IL1RAP: variants seen among roughly 807,000 people sequenced by gnomAD.
IL1RAP encodes the protein interleukin-1 receptor accessory protein.
IL1RAP carries 35 observed loss-of-function variants against 60.7 expected under a neutral mutation model. That is an observed-to-expected ratio of 0.58 (90% CI 0.44 to 0.76). IL1RAP has a LOEUF of 0.76. IL1RAP is among the 30% of genes least tolerant of loss of function. The probability of loss-of-function intolerance (pLI) is 0.00; values close to 1 mark genes in which losing one functional copy is unlikely to be tolerated. For missense variants in IL1RAP, 572 were observed against 693.9 expected, an observed-to-expected ratio of 0.82 and a Z score of 1.97; for synonymous variants, 268 against 250.9, an observed-to-expected ratio of 1.07 and a Z score of -0.64.
At chr3:190,558,344 A>T (rs376885257) in intron 2 of IL1RAP, among the ~76,000 whole-genome samples, 1 of 152,162 alleles carries the variant, frequency 6.6e-6, no homozygotes, top group Non-Finnish European at 1.5e-5. Flanking sequence ...TTTATGTTTA[A>T]CTTTATTAAG....
At chr3:190,611,748 T>G (rs1378968848) in intron 5 of IL1RAP, among the ~76,000 whole-genome samples, 1 of 152,162 alleles carries the variant, frequency 6.6e-6, no homozygotes, top group Non-Finnish European at 1.5e-5. Flanking sequence ...CATTAACTCT[T>G]AGATGTGTTT....
chr3:190,645,832 G>T lies in IL1RAP; in HGVS notation c.1335G>T (p.Leu445=). 6.2e-7 allele frequency: 1 copy of T among 1,613,022 alleles called. No homozygotes were observed. The highest frequency in any genetic ancestry group is 2.2e-5 in the East Asian group (1 of 44,872). Residue 445 remains leucine (L), a synonymous_variant, in exon 11 of 12, where the codon CTG becomes CTT. Transcript: ENST00000447382. ...YKLCIFDRDS[L]PGGIVTDETL... ...TGTGCATCTTTGACCGAGACAGTCT[G>T]CCTGGGGGAAGTAGGTATTTCAGAG...
chr3:190,613,497 G>A (rs1290515510), intron 5 of IL1RAP, among the ~76,000 whole-genome samples: 1 of 152,116 alleles, frequency 6.6e-6, no homozygotes, highest in East Asian at 1.9e-4. Flanking sequence ...AGAGAACTGA[G>A]CTAATGCCAT....
exon 12 of IL1RAP, chr3:190,657,105 C>T (rs1734642627): frequency 1.3e-5 from 2 of 152,576 alleles, no homozygotes; most frequent in African/African-American, 4.8e-5. Flanking sequence ...CATACCCACC[C>T]AGGGATACAT....
intron 3 of IL1RAP, among the ~76,000 whole-genome samples, chr3:190,584,573 T>C (rs1421593090): frequency 6.6e-6 from 1 of 152,222 alleles, no homozygotes; most frequent in Non-Finnish European, 1.5e-5. Flanking sequence ...AGTTTTACAG[T>C]AGTATCTTGT....
At chr3:190,567,969 C>A (rs1726567821) in intron 3 of IL1RAP, among the ~76,000 whole-genome samples, 1 of 152,130 alleles carries the variant, frequency 6.6e-6, no homozygotes, top group Non-Finnish European at 1.5e-5. Context: ...CTGTTAAAAG[C>A]TGCCTTTGGA....
chr3:190,604,534 G>T, intron 4 of IL1RAP, 121 bp downstream of exon 4: 1 of 1,036,562 alleles, frequency 9.6e-7, no homozygotes. Context: ...GTTTAGTGAG[G>T]TAATTGTCTG....
intron 9 of IL1RAP, among the ~76,000 whole-genome samples, chr3:190,638,390 G>C (rs1317333408): frequency 6.6e-6 from 1 of 152,058 alleles, no homozygotes; most frequent in Non-Finnish European, 1.5e-5. Flanking sequence ...CACCTCATGT[G>C]CTTATTGGCC....
intron 3 of IL1RAP, among the ~76,000 whole-genome samples, chr3:190,573,013 G>A (rs1414873979): frequency 3.2e-5 from 3 of 94,146 alleles, no homozygotes; most frequent in Non-Finnish European, 4.6e-5. Context: ...ACAGGCGCCC[G>A]CCACCACGCC....
intron 4 of IL1RAP, among the ~76,000 whole-genome samples, chr3:190,608,263 T>G (rs1730521205): frequency 6.6e-6 from 1 of 152,170 alleles, no homozygotes; most frequent in African/African-American, 2.4e-5. Flanking sequence ...TATGGTATAG[T>G]CTGTTACTCC....
At chr3:190,636,170 A>G (rs1444891078) in intron 9 of IL1RAP, among the ~76,000 whole-genome samples, 4 of 152,224 alleles carry the variant, frequency 2.6e-5, no homozygotes, top group Non-Finnish European at 5.9e-5. Flanking sequence ...CATTTGAAAA[A>G]GACATATATT....
chr3:190,626,664 CTTTTT>C (rs766018376), intron 7 of IL1RAP, among the ~76,000 whole-genome samples: 1 of 99,986 alleles, frequency 1.0e-5, no homozygotes, highest in African/African-American at 4.3e-5. Flanking sequence ...TGTCAGAGAC[CTTTTT>C]TTTTTTTTTT....
chr3:190,562,887 C>T (rs1187766830), intron 2 of IL1RAP, among the ~76,000 whole-genome samples: 1 of 152,016 alleles, frequency 6.6e-6, no homozygotes, highest in Non-Finnish European at 1.5e-5. Flanking sequence ...GGAAGAGGTG[C>T]TGGGAAGAAA....
At chr3:190,524,267 A>G (rs1722323894) in intron 1 of IL1RAP, among the ~76,000 whole-genome samples, 1 of 152,028 alleles carries the variant, frequency 6.6e-6, no homozygotes. Context: ...CTTTGTCAGA[A>G]GCATAGTTTG....
chr3:190,628,563 A>C (rs1404840139), intron 8 of IL1RAP, among the ~76,000 whole-genome samples: 2 of 152,314 alleles, frequency 1.3e-5, no homozygotes, highest in Middle Eastern at 3.4e-3. Flanking sequence ...AAAGGAGTTC[A>C]AAGGGATTTT....
intron 1 of IL1RAP, among the ~76,000 whole-genome samples, chr3:190,549,172 C>T (rs1050362771): frequency 6.6e-6 from 1 of 152,240 alleles, no homozygotes; most frequent in South Asian, 2.1e-4. Context: ...ACAGATTGAA[C>T]CCCTGGTTCC....
intron 3 of IL1RAP, among the ~76,000 whole-genome samples, chr3:190,566,420 T>C (rs1254170188): frequency 6.6e-6 from 1 of 152,144 alleles, no homozygotes; most frequent in Non-Finnish European, 1.5e-5. Flanking sequence ...TAATGAGTGC[T>C]GGTGCCTTCC....
intron 9 of IL1RAP, among the ~76,000 whole-genome samples, chr3:190,634,326 T>C (rs1362046556): frequency 6.6e-6 from 1 of 151,160 alleles, no homozygotes; most frequent in African/African-American, 2.4e-5. Flanking sequence ...TTCCCTCTTG[T>C]TGCCCAGGCT....
At chr3:190,618,533 G>A (rs1024664282) in intron 5 of IL1RAP, among the ~76,000 whole-genome samples, 11 of 152,116 alleles carry the variant, frequency 7.2e-5, no homozygotes, top group Admixed American at 4.6e-4. Flanking sequence ...TAAAATTACA[G>A]CGTATTTAGT....
Sources: gnomAD v4.1 joint callset for allele counts (sites outside exome capture counted in the v4.1 genomes callset) on GRCh38, gnomAD v4.1.1 for gene constraint, MANE v1.5 for transcripts, NCBI Gene and HGNC (gene_info 2026-07-23, HGNC 2026-07-21) for gene names.